The following METTL25 variants were observed in gnomAD, a reference collection of about 807,000 sequenced individuals.
METTL25 encodes probable methyltransferase-like protein 25.
In METTL25, 64 loss-of-function variants were observed where a neutral mutation model predicts 71.6. The ratio of observed to expected loss-of-function variants is 0.89; its 90% CI spans 0.73 to 1.10. The LOEUF is 1.10. Ranked by LOEUF, METTL25 falls within the 50% of genes least tolerant of loss-of-function variation. The pLI is 0.00. For missense variants in METTL25, 807 were observed against 707.0 expected (o/e 1.14, Z -1.60); for synonymous variants, 287 against 250.3 (o/e 1.15, Z -1.38).
In METTL25 at chr12:82,358,702, T is replaced by G; in HGVS notation, c.137T>G (p.Val46Gly). The G allele has an allele frequency of 6.2e-7, 1 of 1,613,876 alleles. No individual in the cohort carries two copies. The highest frequency in any genetic ancestry group is 8.5e-7 in the Non-Finnish European group (1 of 1,179,964). Reference sequence around the variant, plus strand: ...ACCGTGGATTTCTACACAGAATCCGTGTGGGAGGAGCTGGTCGACTTGCCA... The same window carrying G: ...ACCGTGGATTTCTACACAGAATCCGGGTGGGAGGAGCTGGTCGACTTGCCA... ...AHTVDFYTES[V>G]WEELVDLPPE... The change falls in exon 1 of 12, where the codon GTG becomes GGG. Residue 46 changes from valine (V) to glycine (G), a missense_variant. Transcript: ENST00000248306.
chr12:82,382,435 G>C (rs1390290146), intron 1 of METTL25, among the ~76,000 whole-genome samples: 1 of 152,038 alleles, frequency 6.6e-6, no homozygotes, highest in African/African-American at 2.4e-5. Flanking sequence ...ACATTCCCTG[G>C]GCTATTGAAG....
At chr12:82,410,414 C>G (rs1199442564) in intron 5 of METTL25, among the ~76,000 whole-genome samples, 1 of 152,048 alleles carries the variant, frequency 6.6e-6, no homozygotes, top group Non-Finnish European at 1.5e-5. Flanking sequence ...TTAAACAAGA[C>G]TATTTACTGC....
At chr12:82,434,838 A>T in intron 7 of METTL25, 114 bp downstream of exon 7, 2 of 868,414 alleles carry the variant, frequency 2.3e-6, no homozygotes, top group Non-Finnish European at 3.8e-6. Context: ...CTTGTCCCAG[A>T]TGCATATTCA....
intron 1 of METTL25, among the ~76,000 whole-genome samples, chr12:82,380,503 A>T (rs1311781961): frequency 6.6e-6 from 1 of 152,160 alleles, no homozygotes; most frequent in Non-Finnish European, 1.5e-5. Flanking sequence ...ATATGTGTAT[A>T]TATGTATTTG....
intron 1 of METTL25, among the ~76,000 whole-genome samples, chr12:82,369,189 T>C (rs1051959444): frequency 6.6e-6 from 1 of 152,226 alleles, no homozygotes; most frequent in Admixed American, 6.5e-5. Context: ...ACTAAATTAG[T>C]AATGAAATTA....
At chr12:82,403,211 T>C in intron 5 of METTL25, 81 bp downstream of exon 5, 1 of 1,373,132 alleles carries the variant, frequency 7.3e-7, no homozygotes. Context: ...TTTCTCCCCG[T>C]TTTTTCGTCA....
At chr12:82,447,673 G>A (rs545338030) in intron 8 of METTL25, among the ~76,000 whole-genome samples, 1 of 152,060 alleles carries the variant, frequency 6.6e-6, no homozygotes, top group African/African-American at 2.4e-5. Context: ...ATAAGGTAGG[G>A]AAGAGGAGAA....
intron 8 of METTL25, among the ~76,000 whole-genome samples, chr12:82,448,475 T>G (rs1397424076): frequency 1.3e-5 from 2 of 152,010 alleles, no homozygotes; most frequent in African/African-American, 4.8e-5. Context: ...TTTCTTGGAT[T>G]AAAAATCTCT....
chr12:82,361,366 A>G (rs1411902132), intron 1 of METTL25, among the ~76,000 whole-genome samples: 3 of 152,200 alleles, frequency 2.0e-5, no homozygotes, highest in Admixed American at 2.0e-4. Flanking sequence ...AGTGGATCCC[A>G]CGTTGGGGCT....
At chr12:82,403,817 T>A (rs1886846413) in intron 5 of METTL25, among the ~76,000 whole-genome samples, 1 of 152,176 alleles carries the variant, frequency 6.6e-6, no homozygotes, top group Non-Finnish European at 1.5e-5. Context: ...TCAAAACTGC[T>A]GGTTCAGATT....
At chr12:82,384,126 C>T (rs777562089) in intron 1 of METTL25, among the ~76,000 whole-genome samples, 6 of 152,076 alleles carry the variant, frequency 3.9e-5, no homozygotes, top group Non-Finnish European at 7.4e-5. Context: ...ACAATCAAGC[C>T]ATATAATATG....
chr12:82,392,465 T>A (rs1159650100), intron 3 of METTL25, among the ~76,000 whole-genome samples: 1 of 152,112 alleles, frequency 6.6e-6, no homozygotes, highest in Non-Finnish European at 1.5e-5. Flanking sequence ...TGCCCATTTT[T>A]AAATCAGATT....
intron 2 of METTL25, among the ~76,000 whole-genome samples, chr12:82,387,979 C>T (rs1393147918): frequency 2.0e-5 from 3 of 151,974 alleles, no homozygotes; most frequent in African/African-American, 7.2e-5. Flanking sequence ...TTAGTCTAGG[C>T]TCATACCTGG....
At chr12:82,384,071 T>C (rs898476562) in intron 1 of METTL25, among the ~76,000 whole-genome samples, 2 of 152,250 alleles carry the variant, frequency 1.3e-5, no homozygotes. Context: ...GTAAAGCATG[T>C]ATAAAGCAGA....
At chr12:82,466,798 A>C (rs1035027449) in intron 9 of METTL25, among the ~76,000 whole-genome samples, 3 of 152,048 alleles carry the variant, frequency 2.0e-5, no homozygotes, top group Non-Finnish European at 4.4e-5. Flanking sequence ...CTGTATTTAA[A>C]ATTGTCATAT....
At chr12:82,416,669 A>C (rs554401078) in intron 5 of METTL25, among the ~76,000 whole-genome samples, 1 of 151,792 alleles carries the variant, frequency 6.6e-6, no homozygotes, top group Non-Finnish European at 1.5e-5. Flanking sequence ...GGGTTTCACT[A>C]TGTTGCTTAT....
At chr12:82,461,178 T>C (rs980817823) in intron 9 of METTL25, among the ~76,000 whole-genome samples, 2 of 152,134 alleles carry the variant, frequency 1.3e-5, no homozygotes, top group Admixed American at 1.3e-4. Context: ...TATTGTAAAA[T>C]GTTAACAGAA....
chr12:82,427,970 C>T (rs1183103983), intron 5 of METTL25, among the ~76,000 whole-genome samples: 1 of 151,922 alleles, frequency 6.6e-6, no homozygotes, highest in African/African-American at 2.4e-5. Context: ...GCTCTAGAAG[C>T]TTTGTACCAA....
rs376218644 is a variant in METTL25, at chr12:82,438,838, T to G, written c.1478+47T>G. 2.1e-6 allele frequency: 3 copies of G among 1,444,028 alleles called. No homozygotes were observed. The African/African-American group carries it at 4.3e-5, about 21-fold the overall frequency. The allele number at this position is 1,444,028 out of a possible 1,614,324, so 89.5% of individuals were successfully genotyped here. A position where few individuals can be genotyped will look rare whatever the true frequency, so the allele number is the denominator to read the frequency against. ...AAGAATAACTATGTTATATTGTAAGTAAAGTGACTTTTAGTCTTCAGGTGA... is the reference window on the plus strand; with the variant it reads ...AAGAATAACTATGTTATATTGTAAGGAAAGTGACTTTTAGTCTTCAGGTGA... On this transcript the variant is annotated intron_variant, in intron 8 of 11. Coordinates refer to ENST00000248306, the MANE Select transcript of METTL25 (RefSeq NM_032230.3).
Sources: allele counts gnomAD v4.1 joint callset (sites outside exome capture counted in the v4.1 genomes callset), GRCh38; gene constraint gnomAD v4.1.1; transcripts MANE v1.5; gene names NCBI Gene and HGNC (gene_info 2026-07-23, HGNC 2026-07-21).